Variants in PPP4R1 observed in about 807,000 individuals in gnomAD.
PPP4R1 encodes the protein serine/threonine-protein phosphatase 4 regulatory subunit 1.
A neutral mutation model predicts 111.2 loss-of-function variants in PPP4R1; 42 were observed. That is an observed-to-expected ratio of 0.38 (90% CI 0.29 to 0.49). PPP4R1 has a LOEUF of 0.49. Among genes scored for constraint, PPP4R1 ranks in the 20% least tolerant of loss-of-function variants. The pLI is 0.97. For synonymous variants in PPP4R1, 409 were observed against 405.5 expected, an observed-to-expected ratio of 1.01 and a Z score of -0.10; for missense variants, 1,012 against 1,161.6, an observed-to-expected ratio of 0.87 and a Z score of 1.87.
chr18:9,614,578 C>A (rs1459970223), upstream of PPP4R1: 2 of 858,758 alleles, frequency 2.3e-6, no homozygotes, highest in South Asian at 5.2e-5. The surrounding 1 kb of genome is among the most constrained non-coding windows in gnomAD (Gnocchi z 4.1). Flanking sequence ...GCGGGAGGGG[C>A]GGCGGGGAGG....
At chr18:9,601,729 G>A (rs2067386541) in intron 2 of PPP4R1, among the ~76,000 whole-genome samples, 1 of 152,014 alleles carries the variant, frequency 6.6e-6, no homozygotes, top group Non-Finnish European at 1.5e-5. Flanking sequence ...CTGGTCTCAA[G>A]TGATCCGCCC....
chr18:9,597,621 G>T (rs757653187), intron 2 of PPP4R1, among the ~76,000 whole-genome samples: 2 of 152,190 alleles, frequency 1.3e-5, no homozygotes, highest in Non-Finnish European at 2.9e-5. Flanking sequence ...TAAAATAAAT[G>T]AGGCAAAACG....
intron 11 of PPP4R1, among the ~76,000 whole-genome samples, chr18:9,569,177 G>A (rs1415245662): frequency 2.1e-5 from 3 of 143,980 alleles, no homozygotes; most frequent in African/African-American, 7.8e-5. Flanking sequence ...GCAACAAAGC[G>A]AGACTCCGTC....
chr18:9,589,557 A>G (rs1403906080), intron 4 of PPP4R1, among the ~76,000 whole-genome samples: 1 of 152,170 alleles, frequency 6.6e-6, no homozygotes, highest in Non-Finnish European at 1.5e-5. Flanking sequence ...TTCAATCTTG[A>G]GGTGGGAAGA....
chr18:9,563,396 T>A lies in PPP4R1; in HGVS notation c.1728A>T (p.Leu576Phe), dbSNP rs775663651. The change falls in exon 12 of 20, where the codon TTA (leucine) becomes TTT (phenylalanine). Residue 576 changes from leucine to phenylalanine, a missense_variant. By Grantham distance (22) the Leu-to-Phe change is conservative. Around this residue, in one of 2 missense-constraint regions of PPP4R1, gnomAD observed 707 missense variants for 742.1 expected, o/e 0.95. Coordinates refer to ENST00000400556, the MANE Select transcript of PPP4R1 (RefSeq NM_001042388.3). ...CKINQEDSVP[L>F]ISDAVENMDS... ...TTGTTACCTCAACAGCATCGCTGAT[T>A]AAAGGCACAGAATCTTCTTGATTTA... 3.1e-6 allele frequency: 5 copies of A among 1,612,330 alleles called. No individual in the cohort carries two copies. Among genetic ancestry groups the A allele is most frequent in the Middle Eastern group, 1.6e-4 (1 of 6,078 alleles).
intron 9 of PPP4R1, among the ~76,000 whole-genome samples, chr18:9,579,854 T>C (rs1198395097): frequency 1.3e-5 from 2 of 152,196 alleles, no homozygotes; most frequent in Admixed American, 6.5e-5. Context: ...ATCAGAGACT[T>C]CTGAGTATCC....
intron 11 of PPP4R1, among the ~76,000 whole-genome samples, chr18:9,566,759 C>T (rs1355594892): frequency 6.6e-6 from 1 of 151,982 alleles, no homozygotes; most frequent in Non-Finnish European, 1.5e-5. Flanking sequence ...ATCTACTCTG[C>T]CTGTGCTCTG....
intron 2 of PPP4R1, among the ~76,000 whole-genome samples, chr18:9,607,347 C>G (rs2067497971): frequency 7.1e-6 from 1 of 139,922 alleles, no homozygotes; most frequent in Non-Finnish European, 1.5e-5. Flanking sequence ...GGCAACAGAG[C>G]CAGACCCTGT....
intron 14 of PPP4R1, among the ~76,000 whole-genome samples, chr18:9,559,021 G>C (rs535855078): frequency 6.6e-6 from 1 of 152,282 alleles, no homozygotes; most frequent in Non-Finnish European, 1.5e-5. Context: ...AGTAATACTG[G>C]AGTTCTACTA....
chr18:9,579,634 C>G lies in PPP4R1; in HGVS notation c.919-2443G>C, dbSNP rs538207835. ...TATCCACAGGTTCTGTGGATTCAACCAACTACACATTGAAAACATTGTTAG... is the reference window on the plus strand; with the variant it reads ...TATCCACAGGTTCTGTGGATTCAACGAACTACACATTGAAAACATTGTTAG... On this transcript the variant is annotated intron_variant, in intron 9 of 19. Transcript: ENST00000400556. Among the ~76,000 whole-genome samples the G allele has an allele frequency of 2.2e-3, 332 of 152,038 alleles. 2 individuals are homozygous for G. The highest frequency in any genetic ancestry group is 3.5e-3 in the Non-Finnish European group (239 of 67,984).
intron 4 of PPP4R1, 61 bp downstream of exon 4, chr18:9,593,707 A>G (rs2067247331): frequency 7.0e-7 from 1 of 1,438,788 alleles, no homozygotes. Flanking sequence ...GTTTTTAGAA[A>G]CACAAATTTG....
intron 2 of PPP4R1, among the ~76,000 whole-genome samples, chr18:9,602,941 A>T (rs2067416236): frequency 6.6e-6 from 1 of 152,192 alleles, no homozygotes; most frequent in South Asian, 2.1e-4. Flanking sequence ...CACTTATTAT[A>T]TTCATCTATA....
At chr18:9,614,606 G>A, upstream of PPP4R1, 1 of 537,322 alleles carries the variant, frequency 1.9e-6, no homozygotes, top group Non-Finnish European at 2.4e-6. The surrounding 1 kb of genome is among the most constrained non-coding windows in gnomAD (Gnocchi z 4.1). Flanking sequence ...CCGGGCTGGC[G>A]GGGGCGCGCG....
intron 2 of PPP4R1, among the ~76,000 whole-genome samples, chr18:9,609,773 G>A (rs1313452940): frequency 6.6e-6 from 1 of 152,166 alleles, no homozygotes; most frequent in Non-Finnish European, 1.5e-5. Flanking sequence ...TTAAGAACGA[G>A]TTCAAAGAAA....
At chr18:9,574,989 A>G (rs1403863620) in intron 10 of PPP4R1, among the ~76,000 whole-genome samples, 1 of 152,254 alleles carries the variant, frequency 6.6e-6, no homozygotes, top group Non-Finnish European at 1.5e-5. Context: ...AGGCTTTATC[A>G]GCACTTTCAA....
intron 2 of PPP4R1, among the ~76,000 whole-genome samples, chr18:9,608,286 G>C (rs2067518764): frequency 6.6e-6 from 1 of 152,144 alleles, no homozygotes; most frequent in Non-Finnish European, 1.5e-5. Flanking sequence ...AGATTATAAA[G>C]AGAATAAATG....
At position 9,588,745 on chromosome 18, in the gene PPP4R1, A is replaced by T; in HGVS notation, c.404T>A (p.Ile135Asn). Residue 135 changes from isoleucine (I) to asparagine (N), a missense_variant, in exon 5 of 20, where the codon ATT (isoleucine) becomes AAT (asparagine). This residue lies in a region of PPP4R1 where 707 missense variants were observed against 742.1 expected (regional missense o/e 0.95). Transcript: ENST00000400556. The stretch of plus-strand genomic sequence containing the variant: ...CTGATCTGCAAGGTATCTAACCACA[A>T]TAGGTAGTAAGAATTTTGAAAAAGC... ...PYAFSKFLLP[I>N]VVRYLADQNN... is the part of the protein sequence containing the mutation. 1.9e-6 allele frequency: 3 copies of T among 1,613,084 alleles called. No individual in the cohort carries two copies. Among genetic ancestry groups the T allele is most frequent in the Non-Finnish European group, 2.5e-6 (3 of 1,179,118 alleles).
chr18:9,557,458 C>T, intron 14 of PPP4R1, 76 bp from the exon 15 acceptor site: 3 of 1,283,854 alleles, frequency 2.3e-6, no homozygotes, highest in Non-Finnish European at 3.2e-6. Flanking sequence ...TATACAAAGG[C>T]TAATTTATAT....
Position 9,556,007 on chromosome 18 carries a change from C to CACAA in PPP4R1, c.2190+1213_2190+1214insTTGT, listed in dbSNP as rs1555665996. Among the ~76,000 whole-genome samples, 97 of 147,422 alleles carry CACAA rather than the reference C, an allele frequency of 6.6e-4. 1 individual carries two copies. The East Asian group carries it at 7.9e-3, about 12-fold the overall frequency. On this transcript the variant is annotated intron_variant, in intron 15 of 19. Transcript: ENST00000400556. ...AAACAAACAAACAAACAAAAAAACACAAAATCGGCCGGGCTTAGTGGCACG... is the reference window on the plus strand; with the variant it reads ...AAACAAACAAACAAACAAAAAAACACACAAAAAATCGGCCGGGCTTAGTGGCACG...
Sources: gnomAD v4.1 joint callset for allele counts (sites outside exome capture counted in the v4.1 genomes callset) on GRCh38, gnomAD v4.1.1 for gene constraint, gnomAD v4.1.1 regional missense constraint, Gnocchi (gnomAD v3.1) non-coding constraint, MANE v1.5 for transcripts, NCBI Gene and HGNC (gene_info 2026-07-23, HGNC 2026-07-21) for gene names.